The following ANKDD1A variants were observed in gnomAD, a reference collection of about 807,000 sequenced individuals.
ANKDD1A encodes the protein ankyrin repeat and death domain-containing protein 1A.
ANKDD1A carries 59 observed loss-of-function variants against 63.5 expected under a neutral mutation model. The observed-to-expected ratio is 0.93, with a 90% CI of 0.75 to 1.15. ANKDD1A has a LOEUF of 1.15. ANKDD1A is among the 50% of genes most tolerant of loss of function. The probability of loss-of-function intolerance (pLI) is 0.00; values close to 1 mark genes in which losing one functional copy is unlikely to be tolerated. For synonymous variants in ANKDD1A, 266 were observed against 263.9 expected (o/e 1.01, Z -0.08); for missense variants, 632 against 656.4 (o/e 0.96, Z 0.41).
chr15:64,952,519 T>TCTTCCTTCTC (rs1226955687), intron 14 of ANKDD1A, among the ~76,000 whole-genome samples: 141,023 of 145,122 alleles, frequency 0.97, 68,591 homozygotes, highest in Non-Finnish European at 0.99. Context: ...CTTACTTTCT[T>TCTTCCTTCTC]CTTCCTTCGT....
rs139644569 is a variant in ANKDD1A, at chr15:64,950,394, C to G, written c.1483+422C>G. 8 of 985,312 alleles carry G rather than the reference C, an allele frequency of 8.1e-6. No individual in the cohort carries two copies. The South Asian group carries it at 3.8e-4, about 46-fold the overall frequency. The allele number at this position is 985,312 out of a possible 1,614,324, so 61.0% of individuals were successfully genotyped here. A position where few individuals can be genotyped will look rare whatever the true frequency, so the allele number is the denominator to read the frequency against. ...AGTCAAATCTGGTCAAATAAACCTTCTGAGGTCATCACAACTTATTTGAGT... is the reference window on the plus strand; with the variant it reads ...AGTCAAATCTGGTCAAATAAACCTTGTGAGGTCATCACAACTTATTTGAGT... On this transcript the variant is annotated intron_variant, in intron 14 of 14. Coordinates refer to ENST00000319580, the MANE Select transcript of ANKDD1A (RefSeq NM_182703.6).
At chr15:64,918,594 T>G (rs1371748856) in intron 3 of ANKDD1A, among the ~76,000 whole-genome samples, 1 of 152,136 alleles carries the variant, frequency 6.6e-6, no homozygotes, top group Admixed American at 6.6e-5. Flanking sequence ...CTGTTATTTC[T>G]TCCTTCAGGG....
chr15:64,912,005 G>A, intron 1 of ANKDD1A, 41 bp downstream of exon 1: 2 of 1,239,642 alleles, frequency 1.6e-6, no homozygotes, highest in Non-Finnish European at 2.0e-6. Context: ...GGCCGAGGCC[G>A]AGAGGACCCC....
At chr15:64,944,770 C>T (rs780883213) in intron 12 of ANKDD1A, 23 bp downstream of exon 12, 1 of 1,609,640 alleles carries the variant, frequency 6.2e-7, no homozygotes, top group Non-Finnish European at 8.5e-7. Context: ...CACGCTTGAT[C>T]TTTCCTCATT....
At chr15:64,952,000 TTTC>T (rs1340535798) in intron 14 of ANKDD1A, among the ~76,000 whole-genome samples, 8 of 150,518 alleles carry the variant, frequency 5.3e-5, no homozygotes, top group African/African-American at 1.9e-4. Context: ...CTTTCTTTTC[TTTC>T]TTCTTCCATC....
At chr15:64,953,862 CCTCT>C (rs1202160714) in intron 14 of ANKDD1A, among the ~76,000 whole-genome samples, 69,725 of 113,618 alleles carry the variant, frequency 0.61, 19,612 homozygotes, top group East Asian at 0.85. Flanking sequence ...TCCTCTTCTT[CCTCT>C]TTCTTCTTCA....
chr15:64,917,285 C>A, intron 2 of ANKDD1A, 101 bp from the exon 3 acceptor site: 1 of 1,424,490 alleles, frequency 7.0e-7, no homozygotes, highest in Non-Finnish European at 9.3e-7. Context: ...AGCAAAGACC[C>A]TTCCAGCCTG....
In ANKDD1A at chr15:64,927,354, T is replaced by C. The variant is rs1416439759; in HGVS notation, c.570+355T>C. Among the ~76,000 whole-genome samples, 3 of 152,298 alleles carry C rather than the reference T, an allele frequency of 2.0e-5. No individual in the cohort carries two copies. The East Asian group carries it at 5.8e-4, about 29-fold the overall frequency. On this transcript the variant is annotated intron_variant, in intron 6 of 14. Transcript: ENST00000319580. The stretch of plus-strand genomic sequence containing the variant: ...TGGGTTGAGCAGGGCTGTGATCTAC[T>C]GGGGTTGTCTGTTGTTGACAGATGT...
intron 9 of ANKDD1A, among the ~76,000 whole-genome samples, chr15:64,936,327 A>G (rs1223077758): frequency 6.6e-6 from 1 of 152,138 alleles, no homozygotes; most frequent in African/African-American, 2.4e-5. Context: ...GTTTCTGCCC[A>G]TCAAGACACC....
At position 64,949,726 on chromosome 15, in the gene ANKDD1A, T is replaced by A. The variant is rs551251861; in HGVS notation, c.1352-115T>A. ...AGAAGGGCCTTGGAGGCTTTTGGCC[T>A]CTTTCCCACCTGGGCATGTTCAGGA... On this transcript the variant is annotated intron_variant, in intron 13 of 14. Transcript: ENST00000319580. 6.2e-5 allele frequency: 92 copies of A among 1,485,976 alleles called. No individual in the cohort carries two copies. The African/African-American group carries it at 1.1e-3, about 17-fold the overall frequency. 92.0% of individuals were successfully genotyped at this position (1,485,976 alleles called of 1,614,324 possible).
intron 14 of ANKDD1A, among the ~76,000 whole-genome samples, chr15:64,954,744 C>CTTCTTCT (rs372165293): frequency 0.11 from 14,374 of 127,500 alleles, 1,398 homozygotes; most frequent in African/African-American, 0.26. Flanking sequence ...CTTCCTTCTC[C>CTTCTTCT]TTCTTCTTTC....
chr15:64,949,325 T>A (rs1300123163), intron 13 of ANKDD1A, among the ~76,000 whole-genome samples: 1 of 152,180 alleles, frequency 6.6e-6, no homozygotes, highest in Non-Finnish European at 1.5e-5. Flanking sequence ...TCTCTGGGGG[T>A]GACATGGGCC....
intron 14 of ANKDD1A, among the ~76,000 whole-genome samples, chr15:64,954,738 C>T (rs1404544374): frequency 1.9e-4 from 4 of 21,144 alleles, no homozygotes; most frequent in African/African-American, 3.0e-4. Flanking sequence ...CTTCTTCTTC[C>T]TTCTCCTTCT....
At chr15:64,956,929 A>G (rs2085422557) in intron 14 of ANKDD1A, among the ~76,000 whole-genome samples, 174 bp from the exon 15 acceptor site, 1 of 152,226 alleles carries the variant, frequency 6.6e-6, no homozygotes, top group African/African-American at 2.4e-5. Context: ...ATGATAGGGA[A>G]AAAATAGACA....
chr15:64,939,555 C>A (rs2085163652), intron 9 of ANKDD1A, among the ~76,000 whole-genome samples: 1 of 152,160 alleles, frequency 6.6e-6, no homozygotes, highest in African/African-American at 2.4e-5. Context: ...TTTGAAGCTG[C>A]AGTCAACTAT....
At chr15:64,940,802 G>A (rs1173267424) in intron 9 of ANKDD1A, among the ~76,000 whole-genome samples, 1 of 152,008 alleles carries the variant, frequency 6.6e-6, no homozygotes, top group Non-Finnish European at 1.5e-5. Flanking sequence ...GCAGTGGTAG[G>A]ATCATGGCTC....
At chr15:64,928,575 G>A (rs747192293) in intron 6 of ANKDD1A, among the ~76,000 whole-genome samples, 2 of 152,192 alleles carry the variant, frequency 1.3e-5, no homozygotes, top group Admixed American at 6.5e-5. Flanking sequence ...AGTGGGGCAC[G>A]GTAAGTTTTT....
At chr15:64,940,089 ATATCT>A (rs1408821229) in intron 9 of ANKDD1A, among the ~76,000 whole-genome samples, 2 of 151,888 alleles carry the variant, frequency 1.3e-5, no homozygotes, top group African/African-American at 4.8e-5. Context: ...TGCAAATCAC[ATATCT>A]TATAAAGGCT....
intron 14 of ANKDD1A, among the ~76,000 whole-genome samples, chr15:64,956,738 T>G (rs2085420449): frequency 6.6e-6 from 1 of 152,092 alleles, no homozygotes; most frequent in African/African-American, 2.4e-5. Context: ...GTATTTTTAG[T>G]AGACAGGTTT....
Sources: allele counts gnomAD v4.1 joint callset (sites outside exome capture counted in the v4.1 genomes callset), GRCh38; gene constraint gnomAD v4.1.1; transcripts MANE v1.5; gene names NCBI Gene and HGNC (gene_info 2026-07-23, HGNC 2026-07-21).